The following PREX2 variants were observed in gnomAD, a reference collection of about 807,000 sequenced individuals.
PREX2 encodes phosphatidylinositol 3,4,5-trisphosphate-dependent Rac exchanger 2 protein.
A neutral mutation model predicts 203.2 loss-of-function variants in PREX2; 107 were observed. The ratio of observed to expected loss-of-function variants is 0.53; its 90% CI spans 0.45 to 0.62. PREX2 has a LOEUF of 0.62. PREX2 is among the 20% of genes least tolerant of loss of function. PREX2 has a pLI of 0.00. For missense variants in PREX2, 1,777 were observed against 1,955.9 expected, an observed-to-expected ratio of 0.91 and a Z score of 1.72; for synonymous variants, 672 against 663.6, an observed-to-expected ratio of 1.01 and a Z score of -0.19.
At chr8:68,040,754 A>G (rs554400916) in intron 7 of PREX2, among the ~76,000 whole-genome samples, 17 of 152,302 alleles carry the variant, frequency 1.1e-4, no homozygotes, top group Middle Eastern at 6.8e-3. Flanking sequence ...TCATGAGAAC[A>G]GGGGCCTTAC....
chr8:68,214,171 C>A (rs955043199), intron 37 of PREX2, among the ~76,000 whole-genome samples: 1 of 152,148 alleles, frequency 6.6e-6, no homozygotes, highest in Non-Finnish European at 1.5e-5. Context: ...GAGGCTGAAG[C>A]AGGTGAATCG....
intron 23 of PREX2, among the ~76,000 whole-genome samples, chr8:68,101,011 A>T (rs373010749): frequency 6.6e-6 from 1 of 152,324 alleles, no homozygotes; most frequent in South Asian, 2.1e-4. Context: ...TCTCCAAAAC[A>T]CATGCTAAAA....
intron 37 of PREX2, among the ~76,000 whole-genome samples, chr8:68,204,639 G>A (rs1027182985): frequency 1.4e-5 from 2 of 145,130 alleles, no homozygotes; most frequent in Non-Finnish European, 3.0e-5. Context: ...CTTTCTGCCT[G>A]CTTTCCCTCT....
intron 38 of PREX2, among the ~76,000 whole-genome samples, chr8:68,219,185 T>A (rs1812904055): frequency 6.6e-6 from 1 of 152,196 alleles, no homozygotes; most frequent in Non-Finnish European, 1.5e-5. Context: ...TTTTAGAATA[T>A]TCCACTAAGG....
intron 35 of PREX2, among the ~76,000 whole-genome samples, chr8:68,162,693 C>T (rs1811679243): frequency 6.6e-6 from 1 of 152,066 alleles, no homozygotes; most frequent in African/African-American, 2.4e-5. Context: ...GAGGATCGGA[C>T]CCCTCCCAGC....
chr8:68,159,907 T>C (rs1314687557), intron 35 of PREX2, among the ~76,000 whole-genome samples: 1 of 152,146 alleles, frequency 6.6e-6, no homozygotes, highest in Non-Finnish European at 1.5e-5. Context: ...GTTTTGGCTT[T>C]ACTCACAAAA....
chr8:68,087,316 A>G (rs754702421), intron 18 of PREX2, among the ~76,000 whole-genome samples: 2 of 152,100 alleles, frequency 1.3e-5, no homozygotes, highest in African/African-American at 2.4e-5. Context: ...GAGTTCAGTA[A>G]TTTAAGATGA....
At chr8:68,062,508 C>G (rs1808888417) in intron 11 of PREX2, among the ~76,000 whole-genome samples, 1 of 152,158 alleles carries the variant, frequency 6.6e-6, no homozygotes, top group Non-Finnish European at 1.5e-5. Flanking sequence ...CTGTGGCCAC[C>G]CTGACCATCT....
intron 34 of PREX2, among the ~76,000 whole-genome samples, chr8:68,149,352 A>G (rs1239170726): frequency 1.3e-5 from 2 of 152,226 alleles, no homozygotes; most frequent in Admixed American, 1.3e-4. Flanking sequence ...AGAACTGCGG[A>G]AGAACAGGAA....
At chr8:68,027,473 T>A in intron 5 of PREX2, 150 bp downstream of exon 5, 1 of 600,980 alleles carries the variant, frequency 1.7e-6, no homozygotes, top group South Asian at 2.1e-5. Context: ...TGTCACAAAT[T>A]TATATATAGT....
intron 25 of PREX2, among the ~76,000 whole-genome samples, chr8:68,111,295 G>A (rs140777527): frequency 8.9e-4 from 136 of 152,194 alleles, no homozygotes; most frequent in African/African-American, 3.0e-3. Flanking sequence ...CAAGATTATT[G>A]ATGTGCCTCA....
chr8:67,958,178 G>A lies in PREX2; in HGVS notation c.141+5643G>A, dbSNP rs182530038. Among the ~76,000 whole-genome samples, 8 of 152,270 alleles carry A rather than the reference G, an allele frequency of 5.3e-5. No homozygotes were observed. The South Asian group carries it at 6.2e-4, about 12-fold the overall frequency. Reference sequence around the variant, plus strand: ...ATTATGGCAGCCTGTGCAGACAAACGCAGCTTATATTAGGTGCTGGGTCAT... The same window carrying A: ...ATTATGGCAGCCTGTGCAGACAAACACAGCTTATATTAGGTGCTGGGTCAT... On this transcript the variant is annotated intron_variant, in intron 1 of 39. Transcript: ENST00000288368.
At chr8:68,206,165 G>A (rs1462425641) in intron 37 of PREX2, among the ~76,000 whole-genome samples, 2 of 152,104 alleles carry the variant, frequency 1.3e-5, no homozygotes, top group East Asian at 1.9e-4. Flanking sequence ...TTGTTTACTC[G>A]CTGTGCAAGG....
chr8:68,157,516 A>G, intron 35 of PREX2, 80 bp downstream of exon 35: 1 of 613,998 alleles, frequency 1.6e-6, no homozygotes, highest in Non-Finnish European at 2.9e-6. Flanking sequence ...GATGCTATTT[A>G]TCATATTAGA....
intron 32 of PREX2, among the ~76,000 whole-genome samples, chr8:68,134,633 A>T (rs1414485918): frequency 6.6e-6 from 1 of 152,202 alleles, no homozygotes; most frequent in Non-Finnish European, 1.5e-5. Context: ...CTGCTGTGAA[A>T]CCAAAGCTCC....
intron 35 of PREX2, among the ~76,000 whole-genome samples, chr8:68,184,086 G>C (rs953028013): frequency 1.3e-5 from 2 of 152,134 alleles, no homozygotes; most frequent in Non-Finnish European, 2.9e-5. Flanking sequence ...ATGCATACCA[G>C]AGAAGTCAAT....
At chr8:68,081,258 C>T (rs902579552) in intron 17 of PREX2, among the ~76,000 whole-genome samples, 8 of 152,250 alleles carry the variant, frequency 5.3e-5, no homozygotes, top group Non-Finnish European at 7.4e-5. Flanking sequence ...ATTGGGTTCG[C>T]GCTCCTATGA....
chr8:68,094,089 G>C (rs1809981131), intron 21 of PREX2, among the ~76,000 whole-genome samples: 1 of 152,170 alleles, frequency 6.6e-6, no homozygotes, highest in Non-Finnish European at 1.5e-5. Flanking sequence ...GTTATAATGT[G>C]TTTCCTTGTT....
chr8:68,053,666 C>T (rs1808590446), intron 9 of PREX2, among the ~76,000 whole-genome samples: 1 of 152,110 alleles, frequency 6.6e-6, no homozygotes, highest in Non-Finnish European at 1.5e-5. Flanking sequence ...GTAAAGCCTC[C>T]AATTGTTCTC....
Sources: gnomAD v4.1 joint callset for allele counts (sites outside exome capture counted in the v4.1 genomes callset) on GRCh38, gnomAD v4.1.1 for gene constraint, MANE v1.5 for transcripts, NCBI Gene and HGNC (gene_info 2026-07-23, HGNC 2026-07-21) for gene names.